The following NAALADL2 variants were observed in gnomAD, a reference collection of about 807,000 sequenced individuals.
The protein encoded by NAALADL2 is N-acetylated alpha-linked acidic dipeptidase like 2.
Under a neutral mutation model 87.2 loss-of-function variants are expected in NAALADL2, and 76 were observed. That is an observed-to-expected ratio of 0.87 (90% CI 0.72 to 1.05). The LOEUF (loss-of-function observed/expected upper bound fraction) is 1.05. Ranked by LOEUF, NAALADL2 falls within the 50% of genes least tolerant of loss-of-function variation. NAALADL2 has a pLI of 0.00. For missense variants in NAALADL2, 1,089 were observed against 945.8 expected, an observed-to-expected ratio of 1.15 and a Z score of -1.99; for synonymous variants, 354 against 331.0, an observed-to-expected ratio of 1.07 and a Z score of -0.75.
intron 2 of NAALADL2, among the ~76,000 whole-genome samples, chr3:175,104,721 C>T (rs984839278): frequency 1.1e-3 from 166 of 152,022 alleles, no homozygotes; most frequent in African/African-American, 3.8e-3. Context: ...CAAACGATAA[C>T]AGAATGAATT....
chr3:174,691,166 C>T (rs1011274127), intron 2 of NAALADL2, among the ~76,000 whole-genome samples: 1 of 152,122 alleles, frequency 6.6e-6, no homozygotes, highest in Non-Finnish European at 1.5e-5. Flanking sequence ...AATCCCAGCA[C>T]ATTGGGAGGC....
At chr3:175,718,348 G>A (rs1242780141) in intron 11 of NAALADL2, 1 of 1,602,366 alleles carries the variant, frequency 6.2e-7, no homozygotes, top group Admixed American at 1.7e-5. Flanking sequence ...CATTTTGCTA[G>A]CACTGATATG....
intron 4 of NAALADL2, among the ~76,000 whole-genome samples, chr3:175,272,036 C>G (rs1752914355): frequency 6.6e-6 from 1 of 152,232 alleles, no homozygotes; most frequent in Non-Finnish European, 1.5e-5. Context: ...CCACCCTTCT[C>G]TTTAGATCAC....
chr3:175,112,286 T>TCCCCA (rs1724323677), intron 2 of NAALADL2, among the ~76,000 whole-genome samples: 1 of 151,552 alleles, frequency 6.6e-6, no homozygotes, highest in African/African-American at 2.4e-5. Flanking sequence ...AAATTCTTGT[T>TCCCCA]AATATATTTT....
At chr3:175,601,210 T>C (rs572698873) in intron 10 of NAALADL2, among the ~76,000 whole-genome samples, 1 of 152,322 alleles carries the variant, frequency 6.6e-6, no homozygotes, top group South Asian at 2.1e-4. Context: ...CTTATGAATG[T>C]TTATATAACC....
At chr3:174,823,727 G>A (rs1052028376) in intron 3 of NAALADL2, among the ~76,000 whole-genome samples, 3 of 151,928 alleles carry the variant, frequency 2.0e-5, no homozygotes, top group African/African-American at 7.3e-5. Context: ...CTGCTTTTTG[G>A]GTTTTATTTT....
chr3:174,857,408 A>G (rs1319470114), upstream of NAALADL2, among the ~76,000 whole-genome samples: 1 of 152,154 alleles, frequency 6.6e-6, no homozygotes, highest in African/African-American at 2.4e-5. Context: ...TTATCGTTTA[A>G]GAATAGGACT....
intron 9 of NAALADL2, among the ~76,000 whole-genome samples, chr3:175,575,165 G>A (rs1718677182): frequency 6.6e-6 from 1 of 152,290 alleles, no homozygotes; most frequent in Middle Eastern, 3.4e-3. Context: ...GAACTTAGCT[G>A]TGTGGTTCAC....
chr3:174,614,369 A>G (rs1329282035), intron 2 of NAALADL2, among the ~76,000 whole-genome samples: 3 of 152,316 alleles, frequency 2.0e-5, no homozygotes, highest in Middle Eastern at 3.4e-3. Context: ...TGAAGTTCCA[A>G]CCACTGGGAT....
chr3:175,799,339 G>A (rs1753861850), intron 13 of NAALADL2, among the ~76,000 whole-genome samples: 1 of 151,862 alleles, frequency 6.6e-6, no homozygotes, highest in East Asian at 1.9e-4. Context: ...TTACATAGCT[G>A]AATAATTAAA....
chr3:175,734,088 G>A (rs1198888109), intron 11 of NAALADL2, among the ~76,000 whole-genome samples: 2 of 152,310 alleles, frequency 1.3e-5, no homozygotes, highest in South Asian at 2.1e-4. Context: ...TGGGGTCTGA[G>A]GACGGTGGCG....
intron 8 of NAALADL2, among the ~76,000 whole-genome samples, chr3:175,468,970 TACA>T (rs1189565580): frequency 1.3e-5 from 2 of 152,164 alleles, no homozygotes; most frequent in Non-Finnish European, 2.9e-5. Context: ...ATGCTAAAAA[TACA>T]ACAACTACAA....
At chr3:175,532,218 A>G (rs988158993) in intron 9 of NAALADL2, among the ~76,000 whole-genome samples, 2 of 152,234 alleles carry the variant, frequency 1.3e-5, no homozygotes, top group African/African-American at 4.8e-5. Context: ...CTGGAGGTCC[A>G]CAATGACATT....
intron 2 of NAALADL2, among the ~76,000 whole-genome samples, chr3:175,206,351 G>T (rs1237226873): frequency 1.4e-5 from 2 of 141,488 alleles, no homozygotes; most frequent in East Asian, 2.1e-4. Context: ...TAATGTATAT[G>T]TTATATATAC....
rs183856986 is a variant in NAALADL2, at chr3:174,811,583, A to G, written c.-9+73837A>G. Among the ~76,000 whole-genome samples the G allele has an allele frequency of 1.5e-4, 23 of 152,278 alleles. No individual in the cohort carries two copies. The East Asian group carries it at 3.9e-3, about 26-fold the overall frequency. On this transcript the variant is annotated intron_variant, in intron 3 of 3. Transcript: ENST00000434257. ...GCCTATACCCCTGTTGTATCTTAGG[A>G]GTAACTAAATTGTTTTTTATTTTAT...
Position 175,576,068 on chromosome 3 carries a change from G to T in NAALADL2, c.1681G>T (p.Ala561Ser), listed in dbSNP as rs367650158. The T allele has an allele frequency of 8.7e-6, 14 of 1,612,706 alleles. No individual in the cohort carries two copies. Among genetic ancestry groups the T allele is most frequent in the Middle Eastern group, 1.6e-4 (1 of 6,074 alleles). ...EKNNFNCTRR[A>S]QCPETNISSI... is the part of the protein sequence containing the mutation. The stretch of plus-strand genomic sequence containing the variant: ...AAATAATTTCAACTGTACCAGAAGA[G>T]CCCAGTGCCCAGAAACCAATATCAG... Residue 561 changes from alanine to serine, a missense_variant, in exon 10 of 14, where the codon GCC becomes TCC. Transcript: ENST00000454872.
chr3:174,717,547 G>T (rs185923123), intron 2 of NAALADL2, among the ~76,000 whole-genome samples: 2 of 152,214 alleles, frequency 1.3e-5, no homozygotes, highest in East Asian at 3.9e-4. Context: ...CCAAATGTGT[G>T]CTTTCAGAGA....
intron 1 of NAALADL2, among the ~76,000 whole-genome samples, chr3:174,948,244 T>G (rs747799961): frequency 1.4e-4 from 21 of 152,260 alleles, no homozygotes; most frequent in Non-Finnish European, 2.6e-4. Context: ...TGGCTTGATC[T>G]CCGCTCACTG....
intron 1 of NAALADL2, among the ~76,000 whole-genome samples, chr3:174,448,568 G>T (rs1263989930): frequency 2.0e-5 from 3 of 152,148 alleles, no homozygotes; most frequent in Non-Finnish European, 2.9e-5. Flanking sequence ...AATGCCAGGG[G>T]TTCAGTCTAG....
Sources: gnomAD v4.1 joint callset for allele counts (sites outside exome capture counted in the v4.1 genomes callset) on GRCh38, gnomAD v4.1.1 for gene constraint, MANE v1.5 for transcripts, NCBI Gene and HGNC (gene_info 2026-07-23, HGNC 2026-07-21) for gene names.